Variants in CCDC30 observed in about 807,000 individuals in gnomAD.
CCDC30 encodes the protein coiled-coil domain containing 30, also known as coiled-coil domain-containing protein 30.
In CCDC30, 70 loss-of-function variants were observed where a neutral mutation model predicts 100.2. That is an observed-to-expected ratio of 0.70 (90% confidence interval 0.58 to 0.85). The LOEUF is 0.85. Ranked by LOEUF, CCDC30 falls within the 40% of genes least tolerant of loss-of-function variation. The probability of loss-of-function intolerance (pLI) is 0.00; values close to 1 mark genes in which losing one functional copy is unlikely to be tolerated. For missense variants in CCDC30, 652 were observed against 771.2 expected, an observed-to-expected ratio of 0.85 and a Z score of 1.83; for synonymous variants, 233 against 269.5, an observed-to-expected ratio of 0.86 and a Z score of 1.33.
chr1:42,545,815 G>A (rs1645118599), intron 6 of CCDC30, among the ~76,000 whole-genome samples: 1 of 151,840 alleles, frequency 6.6e-6, no homozygotes, highest in African/African-American at 2.4e-5. Flanking sequence ...ATGATGATGT[G>A]TGTCTGCAGT....
At chr1:42,545,162 TAAAAAAAAAAA>T (rs57060353) in intron 6 of CCDC30, among the ~76,000 whole-genome samples, 17,759 of 64,898 alleles carry the variant, frequency 0.27, 1,412 homozygotes, top group East Asian at 0.41. Context: ...AAAATACCTT[TAAAAAAAAAAA>T]AAAAAAAAAA....
intron 6 of CCDC30, among the ~76,000 whole-genome samples, chr1:42,507,650 A>G (rs970228800): frequency 4.6e-5 from 7 of 152,208 alleles, no homozygotes; most frequent in African/African-American, 1.7e-4. Flanking sequence ...ATAGTAACTC[A>G]TAGCAATTTT....
At chr1:42,569,801 A>G (rs535852015) in intron 7 of CCDC30, among the ~76,000 whole-genome samples, 3 of 152,378 alleles carry the variant, frequency 2.0e-5, no homozygotes, top group South Asian at 4.1e-4. Context: ...CAGCCATAAA[A>G]AAGAATGAGT....
rs200032596 is a variant in CCDC30 at position 42,623,216 on chromosome 1, G to A, written c.1277+12126G>A. Reference sequence around the variant, plus strand: ...CTTTGTTGATTGTTTCCTTTGCTGTGCAGAAGATTTTTTTTAACTTGATGT... The same window carrying A: ...CTTTGTTGATTGTTTCCTTTGCTGTACAGAAGATTTTTTTTAACTTGATGT... On this transcript the variant is annotated intron_variant, in intron 11 of 16. Transcript: ENST00000668663. Among the ~76,000 whole-genome samples, 18 of 152,174 alleles carry A rather than the reference G, an allele frequency of 1.2e-4. No homozygotes were observed. In the East Asian group the frequency reaches 3.5e-3, roughly 29 times the overall value.
rs1255317612 is a variant in CCDC30 at position 42,630,605 on chromosome 1, C to A, written c.1278-6632C>A. 2.0e-5 allele frequency among the ~76,000 whole-genome samples: 3 copies of A among 151,506 alleles called. No homozygotes were observed. The East Asian group carries it at 6.0e-4, about 30-fold the overall frequency. On this transcript the variant is annotated intron_variant, in intron 11 of 16. Transcript: ENST00000668663. ...CCATGTTGGCCAGGCTGTTCTCGAA[C>A]TCCTGACCTCAGGTGACCTGCCTGC...
intron 3 of CCDC30, 75 bp downstream of exon 3, chr1:42,482,891 GA>G (rs202122677): frequency 0.19 from 124,479 of 664,236 alleles, 5,103 homozygotes; most frequent in East Asian, 0.21. Context: ...TGGAACATGA[GA>G]AAAAAAAAAA....
At chr1:42,639,861 G>A (rs1000162877) in intron 12 of CCDC30, among the ~76,000 whole-genome samples, 2 of 151,956 alleles carry the variant, frequency 1.3e-5, no homozygotes, top group African/African-American at 4.8e-5. Flanking sequence ...AGCTACTTGG[G>A]AGGCTGAGGC....
At chr1:42,540,460 A>C (rs1644989889) in intron 6 of CCDC30, among the ~76,000 whole-genome samples, 1 of 152,132 alleles carries the variant, frequency 6.6e-6, no homozygotes, top group Non-Finnish European at 1.5e-5. Context: ...GAAGAATATA[A>C]TATAAAATAA....
At position 42,521,644 on chromosome 1, in the gene CCDC30, A is replaced by G. The variant is rs116078248; in HGVS notation, c.456+22728A>G. Among the ~76,000 whole-genome samples, 455 of 152,240 alleles carry G rather than the reference A, an allele frequency of 3.0e-3. 7 individuals carry two copies. The highest frequency in any genetic ancestry group is 0.01 in the African/African-American group (431 of 41,548). ...GGTCTGGTTATTTAATACATCATTG[A>G]GAGTAGGGTATTGACTCCATTTATT... On this transcript the variant is annotated intron_variant, in intron 6 of 16. Coordinates refer to ENST00000668663, the Ensembl canonical transcript of CCDC30.
chr1:42,650,484 TAA>T (rs199704527), intron 15 of CCDC30, among the ~76,000 whole-genome samples: 9 of 136,192 alleles, frequency 6.6e-5, no homozygotes, highest in South Asian at 5.3e-4. Flanking sequence ...AGACCCTGTC[TAA>T]AAAAATATAT....
At chr1:42,625,417 G>A (rs1038872785) in intron 11 of CCDC30, among the ~76,000 whole-genome samples, 1 of 151,282 alleles carries the variant, frequency 6.6e-6, no homozygotes, top group African/African-American at 2.4e-5. Context: ...ACTAATTTGG[G>A]ATTTCATTTG....
intron 6 of CCDC30, among the ~76,000 whole-genome samples, chr1:42,552,243 G>T (rs1645266955): frequency 6.6e-6 from 1 of 152,094 alleles, no homozygotes; most frequent in African/African-American, 2.4e-5. Flanking sequence ...AATGTAAAAT[G>T]GCATTAGCCC....
intron 6 of CCDC30, among the ~76,000 whole-genome samples, chr1:42,514,160 A>G (rs974051606): frequency 6.6e-6 from 1 of 152,200 alleles, no homozygotes; most frequent in Non-Finnish European, 1.5e-5. Context: ...TGGACATTTG[A>G]TAGTTTCTAC....
chr1:42,551,457 G>T (rs1645250346), intron 6 of CCDC30, among the ~76,000 whole-genome samples: 1 of 152,010 alleles, frequency 6.6e-6, no homozygotes, highest in African/African-American at 2.4e-5. Context: ...TAAAAATTAA[G>T]AACTACAACA....
intron 1 of CCDC30, among the ~76,000 whole-genome samples, chr1:42,479,603 A>T (rs993445697): frequency 5.3e-5 from 8 of 151,398 alleles, no homozygotes; most frequent in Non-Finnish European, 1.0e-4. Context: ...TCCTGATCGA[A>T]GTTCTGTTCC....
At chr1:42,637,190 A>G in intron 11 of CCDC30, 47 bp from the exon 16 acceptor site, 1 of 1,501,686 alleles carries the variant, frequency 6.7e-7, no homozygotes, top group Non-Finnish European at 9.0e-7. Flanking sequence ...TGCAAAATAA[A>G]TTTTAACTGT....
At chr1:42,551,768 T>A (rs1645257140) in intron 6 of CCDC30, among the ~76,000 whole-genome samples, 1 of 151,556 alleles carries the variant, frequency 6.6e-6, no homozygotes, top group South Asian at 2.1e-4. Flanking sequence ...TGTGTGTGTG[T>A]GTGTGTGACT....
chr1:42,566,249 T>C (rs1373045873), intron 6 of CCDC30, 47 bp from the exon 11 acceptor site: 2 of 1,445,356 alleles, frequency 1.4e-6, no homozygotes, highest in Admixed American at 3.7e-5. Context: ...GTTTTACCAA[T>C]ATTCTTTCCA....
At position 42,565,001 on chromosome 1, in the gene CCDC30, G is replaced by A. The variant is rs183057920; in HGVS notation, c.457-1295G>A. Among the ~76,000 whole-genome samples the A allele has an allele frequency of 5.5e-4, 84 of 152,268 alleles. 1 individual carries two copies. The East Asian group carries it at 0.011, about 21-fold the overall frequency. Reference sequence around the variant, plus strand: ...TGCCCTCCAAGTTCATTCATGTTGTGACAAATGACAGGATTTCTGTCTTTT... The same window carrying A: ...TGCCCTCCAAGTTCATTCATGTTGTAACAAATGACAGGATTTCTGTCTTTT... On this transcript the variant is annotated intron_variant, in intron 6 of 16. Transcript: ENST00000668663.
Sources: allele counts gnomAD v4.1 joint callset (sites outside exome capture counted in the v4.1 genomes callset), GRCh38; gene constraint gnomAD v4.1.1; transcripts MANE v1.5; gene names NCBI Gene and HGNC (gene_info 2026-07-23, HGNC 2026-07-21).